Variants in SGCD observed in about 807,000 individuals in gnomAD.
SGCD encodes the protein sarcoglycan delta, also known as delta-sarcoglycan.
SGCD carries 18 observed loss-of-function variants against 36.6 expected under a neutral mutation model. The ratio of observed to expected loss-of-function variants is 0.49; its 90% confidence interval spans 0.34 to 0.73. The LOEUF (loss-of-function observed/expected upper bound fraction) is 0.73, where lower values mean the gene tolerates loss of function less well. Ranked by LOEUF, SGCD falls within the 30% of genes least tolerant of loss-of-function variation. The probability of loss-of-function intolerance (pLI) is 0.01; values close to 1 mark genes in which losing one functional copy is unlikely to be tolerated. For synonymous variants in SGCD, 133 were observed against 130.6 expected (o/e 1.02, Z -0.12); for missense variants, 387 against 346.7 (o/e 1.12, Z -0.92).
chr5:156,304,110 A>G (rs1273566937), intron 3 of SGCD, among the ~76,000 whole-genome samples: 1 of 152,152 alleles, frequency 6.6e-6, no homozygotes, highest in Non-Finnish European at 1.5e-5. Context: ...TTTAGCCTAT[A>G]GTGGTGGGCT....
chr5:156,073,319 A>G (rs1443103932), intron 1 of SGCD, among the ~76,000 whole-genome samples: 1 of 152,252 alleles, frequency 6.6e-6, no homozygotes, highest in Non-Finnish European at 1.5e-5. Context: ...GCACTTTGGG[A>G]GGCCAAGGTG....
At chr5:156,270,153 G>C (rs112230685) in intron 3 of SGCD, among the ~76,000 whole-genome samples, 17 of 152,246 alleles carry the variant, frequency 1.1e-4, no homozygotes, top group African/African-American at 3.6e-4. Flanking sequence ...GTTTTTGTCA[G>C]CTTTGTTGAA....
chr5:156,304,491 C>T (rs1767148133), intron 3 of SGCD, among the ~76,000 whole-genome samples: 1 of 152,166 alleles, frequency 6.6e-6, no homozygotes, highest in Non-Finnish European at 1.5e-5. Flanking sequence ...GATTATGAGG[C>T]TCCCCCAGCC....
intron 3 of SGCD, among the ~76,000 whole-genome samples, chr5:156,254,229 T>C (rs1321528247): frequency 6.6e-6 from 1 of 152,194 alleles, no homozygotes; most frequent in Non-Finnish European, 1.5e-5. Flanking sequence ...GCTCTAGACA[T>C]TTTTAAAAAT....
chr5:155,830,986 C>T, the SGCD span, among the ~76,000 whole-genome samples: 1 of 152,128 alleles, frequency 6.6e-6, no homozygotes, highest in South Asian at 2.1e-4. Context: ...ATGCTTGTTA[C>T]GTGTTAGATG....
chr5:156,331,555 T>C (rs1263469297), intron 2 of SGCD, among the ~76,000 whole-genome samples: 2 of 152,170 alleles, frequency 1.3e-5, no homozygotes, highest in African/African-American at 4.8e-5. Flanking sequence ...AAAACTATAT[T>C]GCCAGGGATT....
intron 3 of SGCD, among the ~76,000 whole-genome samples, chr5:156,356,230 A>T (rs1021392580): frequency 1.3e-5 from 2 of 152,114 alleles, no homozygotes; most frequent in African/African-American, 4.8e-5. Context: ...CTCAGGGGAG[A>T]TGGCTTGTCT....
chr5:155,920,376 G>A (rs1561650306), intron 1 of SGCD, among the ~76,000 whole-genome samples: 1 of 152,174 alleles, frequency 6.6e-6, no homozygotes, highest in Non-Finnish European at 1.5e-5. Flanking sequence ...GAGATGGTGA[G>A]TATTAGTGGA....
At chr5:155,877,619 T>C (rs2113288179) in intron 1 of SGCD, among the ~76,000 whole-genome samples, 1 of 152,254 alleles carries the variant, frequency 6.6e-6, no homozygotes, top group East Asian at 1.9e-4. Context: ...CAAGCTTAAA[T>C]GGTGAAGTTT....
intron 4 of SGCD, among the ~76,000 whole-genome samples, chr5:156,562,087 C>A (rs2113246876): frequency 6.6e-6 from 1 of 152,254 alleles, no homozygotes; most frequent in South Asian, 2.1e-4. Context: ...ACTGTTTTAG[C>A]TACTTGGGAG....
intron 1 of SGCD, among the ~76,000 whole-genome samples, chr5:155,903,785 T>G (rs1479752455): frequency 6.6e-6 from 1 of 152,194 alleles, no homozygotes; most frequent in Non-Finnish European, 1.5e-5. Flanking sequence ...GGGCACAATG[T>G]ATTTGTTTTC....
chr5:155,929,658 T>G (rs1746556190), intron 1 of SGCD, among the ~76,000 whole-genome samples: 1 of 152,176 alleles, frequency 6.6e-6, no homozygotes, highest in African/African-American at 2.4e-5. Flanking sequence ...ATGAGTCTCA[T>G]TGCTTCCAGG....
intron 1 of SGCD, among the ~76,000 whole-genome samples, chr5:156,027,463 A>T (rs1759248186): frequency 6.6e-6 from 1 of 152,208 alleles, no homozygotes; most frequent in Admixed American, 6.5e-5. Flanking sequence ...ACTCTTATGG[A>T]TCTGACACTG....
chr5:156,588,612 G>C (rs1760589525), intron 4 of SGCD, among the ~76,000 whole-genome samples: 1 of 152,164 alleles, frequency 6.6e-6, no homozygotes, highest in African/African-American at 2.4e-5. Context: ...GGGCAGAGTA[G>C]ATACAGGCAC....
chr5:156,389,345 G>T (rs1423253123), intron 3 of SGCD, among the ~76,000 whole-genome samples: 1 of 152,146 alleles, frequency 6.6e-6, no homozygotes, highest in Admixed American at 6.6e-5. Context: ...CCAAACTAGG[G>T]TTTCCCTCCT....
At chr5:156,395,046 C>A (rs1771775147) in intron 3 of SGCD, among the ~76,000 whole-genome samples, 1 of 152,086 alleles carries the variant, frequency 6.6e-6, no homozygotes, top group African/African-American at 2.4e-5. Context: ...TGTGATTATG[C>A]AGGGTATGTG....
intron 3 of SGCD, among the ~76,000 whole-genome samples, chr5:156,315,296 G>A (rs1428317971): frequency 6.6e-6 from 1 of 150,386 alleles, no homozygotes; most frequent in African/African-American, 2.5e-5. Context: ...CATATAAGTA[G>A]AATCATGCAG....
chr5:156,748,174 A>T (rs1757016497), intron 7 of SGCD, among the ~76,000 whole-genome samples: 1 of 152,244 alleles, frequency 6.6e-6, no homozygotes, highest in South Asian at 2.1e-4. Flanking sequence ...AGCAAGATTT[A>T]TCTGTGGTGC....
At chr5:156,645,901 A>T (rs915424086) in intron 6 of SGCD, among the ~76,000 whole-genome samples, 1 of 152,178 alleles carries the variant, frequency 6.6e-6, no homozygotes, top group Non-Finnish European at 1.5e-5. Context: ...AATCATAAAC[A>T]TTATATAATA....
Sources: gnomAD v4.1 joint callset for allele counts (sites outside exome capture counted in the v4.1 genomes callset) on GRCh38, gnomAD v4.1.1 for gene constraint, MANE v1.5 for transcripts, NCBI Gene and HGNC (gene_info 2026-07-23, HGNC 2026-07-21) for gene names.